The following ADAMTS18 variants were observed in gnomAD, a reference collection of about 807,000 sequenced individuals.
ADAMTS18 encodes A disintegrin and metalloproteinase with thrombospondin motifs 18.
Under a neutral mutation model 165.9 loss-of-function variants are expected in ADAMTS18, and 157 were observed. That is an observed-to-expected ratio of 0.95 (90% CI 0.83 to 1.08). ADAMTS18 has a LOEUF of 1.08. ADAMTS18 is among the 50% of genes least tolerant of loss of function. The pLI is 0.00. For missense variants in ADAMTS18, 2,040 were observed against 1,534.0 expected (o/e 1.33, Z -5.51); for synonymous variants, 782 against 578.2 (o/e 1.35, Z -5.06).
chr16:77,410,393 G>C (rs948694746), intron 3 of ADAMTS18, among the ~76,000 whole-genome samples: 1 of 151,968 alleles, frequency 6.6e-6, no homozygotes, highest in Non-Finnish European at 1.5e-5. Context: ...AATTTGGTGA[G>C]CATGAGGATC....
intron 12 of ADAMTS18, among the ~76,000 whole-genome samples, chr16:77,329,672 T>C (rs1453320941): frequency 2.6e-5 from 4 of 152,214 alleles, no homozygotes; most frequent in East Asian, 3.8e-4. Flanking sequence ...TTTTTAATTA[T>C]GGGATATGGT....
intron 3 of ADAMTS18, among the ~76,000 whole-genome samples, chr16:77,425,509 T>C (rs2057660243): frequency 6.6e-6 from 1 of 152,326 alleles, no homozygotes; most frequent in South Asian, 2.1e-4. Flanking sequence ...AACTCACCCA[T>C]GTATTACAAA....
chr16:77,301,042 A>G (rs1192887340), intron 16 of ADAMTS18, among the ~76,000 whole-genome samples: 1 of 152,240 alleles, frequency 6.6e-6, no homozygotes, highest in African/African-American at 2.4e-5. Context: ...GGATGAGCAG[A>G]TAAGAAGAAA....
chr16:77,306,429 A>G (rs2055683127), intron 16 of ADAMTS18, among the ~76,000 whole-genome samples: 1 of 152,226 alleles, frequency 6.6e-6, no homozygotes, highest in Non-Finnish European at 1.5e-5. Context: ...TAAAATTAAA[A>G]CAAAGGATAT....
At chr16:77,413,581 A>G (rs767695662) in intron 3 of ADAMTS18, among the ~76,000 whole-genome samples, 1 of 152,176 alleles carries the variant, frequency 6.6e-6, no homozygotes, top group Non-Finnish European at 1.5e-5. Context: ...CAACCCCTCT[A>G]TTAGGGAGGG....
intron 10 of ADAMTS18, among the ~76,000 whole-genome samples, chr16:77,349,944 A>T (rs1420673333): frequency 1.3e-5 from 2 of 152,230 alleles, no homozygotes; most frequent in Non-Finnish European, 2.9e-5. Context: ...GCTATGTGAC[A>T]GTAACTGTGC....
At position 77,426,353 on chromosome 16, in the gene ADAMTS18, A is replaced by G. The variant is rs140056435; in HGVS notation, c.495+4942T>C. ...GTGAAGAGATGCTCCTTGGAAAAAA[A>G]AAATTTCATTGGCCAAAGAAGTTAG... On this transcript the variant is annotated intron_variant, in intron 3 of 22. Transcript: ENST00000282849. Among the ~76,000 whole-genome samples the G allele has an allele frequency of 4.4e-3, 665 of 152,232 alleles. 2 individuals carry two copies. The highest frequency in any genetic ancestry group is 0.015 in the African/African-American group (621 of 41,542).
chr16:77,321,266 TAA>T, intron 14 of ADAMTS18, 64 bp from the exon 15 acceptor site: 1 of 1,598,202 alleles, frequency 6.3e-7, no homozygotes, highest in Non-Finnish European at 8.6e-7. Flanking sequence ...TGGGAATAAT[TAA>T]GAGGTATATG....
intron 3 of ADAMTS18, among the ~76,000 whole-genome samples, chr16:77,424,617 G>A (rs1373006388): frequency 6.6e-6 from 1 of 152,106 alleles, no homozygotes; most frequent in East Asian, 1.9e-4. Context: ...AGTTTGATCT[G>A]GCATTTTGCT....
chr16:77,384,137 G>A (rs1013070340), intron 3 of ADAMTS18, among the ~76,000 whole-genome samples: 1 of 152,004 alleles, frequency 6.6e-6, no homozygotes, highest in Non-Finnish European at 1.5e-5. Context: ...AAATATTTTT[G>A]GTATTAATCA....
chr16:77,374,104 A>AG (rs1409201193), intron 3 of ADAMTS18, among the ~76,000 whole-genome samples: 1 of 151,922 alleles, frequency 6.6e-6, no homozygotes, highest in Admixed American at 6.6e-5. Context: ...CTGTAATCCC[A>AG]GCTACTCAGG....
At chr16:77,355,576 G>C (rs780129371) in intron 9 of ADAMTS18, among the ~76,000 whole-genome samples, 2 of 152,166 alleles carry the variant, frequency 1.3e-5, no homozygotes, top group African/African-American at 4.8e-5. Context: ...AGAGATGGTT[G>C]AGTAGAGATC....
At chr16:77,314,786 A>ATATATATATATATATATATATATATAT (rs1491101675) in intron 16 of ADAMTS18, among the ~76,000 whole-genome samples, 2 of 81,776 alleles carry the variant, frequency 2.4e-5, no homozygotes, top group East Asian at 3.1e-4. Context: ...ATATATATAT[A>ATATATATATATATATATATATATATAT]AAATATATGT....
At chr16:77,344,489 G>C (rs2056446687) in intron 10 of ADAMTS18, among the ~76,000 whole-genome samples, 1 of 151,984 alleles carries the variant, frequency 6.6e-6, no homozygotes, top group Non-Finnish European at 1.5e-5. Context: ...TAAGAGAGCC[G>C]CCTATGTGAA....
intron 13 of ADAMTS18, among the ~76,000 whole-genome samples, chr16:77,325,197 T>A (rs890273413): frequency 1.3e-5 from 2 of 152,210 alleles, no homozygotes; most frequent in Non-Finnish European, 2.9e-5. Flanking sequence ...ACAGTTTTGA[T>A]AAATCTAATG....
chr16:77,315,953 C>G (rs1284619977), intron 16 of ADAMTS18, among the ~76,000 whole-genome samples: 2 of 152,176 alleles, frequency 1.3e-5, no homozygotes, highest in South Asian at 2.1e-4. Context: ...ATCCCTAAAC[C>G]TGTTTCCAGT....
Position 77,434,306 on chromosome 16 carries a change from C to G in ADAMTS18, c.178+112G>C, listed in dbSNP as rs377316778. ...CAAACAGGAACCATTTCCAAGACAG[C>G]GCACACCTGCCAGGTTAGGGGGTGC... On this transcript the variant is annotated intron_variant, in intron 2 of 22. Coordinates refer to ENST00000282849, the MANE Select transcript of ADAMTS18 (RefSeq NM_199355.4). 3.6e-4 allele frequency: 456 copies of G among 1,256,424 alleles called. 1 individual carries two copies. In the East Asian group the frequency reaches 0.011, roughly 30 times the overall value. 77.8% of individuals were successfully genotyped at this position (1,256,424 alleles called of 1,614,324 possible). A position where few individuals can be genotyped will look rare whatever the true frequency, so the allele number is the denominator to read the frequency against.
Position 77,364,219 on chromosome 16 carries a change from A to G in ADAMTS18, c.941T>C (p.Val314Ala). The G allele has an allele frequency of 6.2e-7, 1 of 1,614,062 alleles. No individual in the cohort carries two copies. Among genetic ancestry groups the G allele is most frequent in the Non-Finnish European group, 8.5e-7 (1 of 1,180,006 alleles). Residue 314 changes from valine to alanine, a missense_variant, in exon 5 of 23, where the codon GTC becomes GCC. Physicochemically the swap from Val to Ala is moderately conservative, Grantham distance 64. Coordinates refer to ENST00000282849, the MANE Select transcript of ADAMTS18 (RefSeq NM_199355.4). ...CATTACTGTGAGAATGTATGTGGTG[A>G]CATTTCCCTTGCCATGCTTTTCCAC... Reference protein sequence around the residue: ...KMVEKHGKGNVTTYILTVMNM... With the variant: ...KMVEKHGKGNATTYILTVMNM...
chr16:77,326,117 G>C, intron 12 of ADAMTS18, 79 bp from the exon 13 acceptor site: 1 of 1,423,946 alleles, frequency 7.0e-7, no homozygotes, highest in Non-Finnish European at 9.8e-7. Context: ...ATGAAGAGAG[G>C]CAATGAAGAT....
Sources: gnomAD v4.1 joint callset for allele counts (sites outside exome capture counted in the v4.1 genomes callset) on GRCh38, gnomAD v4.1.1 for gene constraint, MANE v1.5 for transcripts, NCBI Gene and HGNC (gene_info 2026-07-23, HGNC 2026-07-21) for gene names.